The following MAN2B1 variants were observed in gnomAD, a reference collection of about 807,000 sequenced individuals.
The protein encoded by MAN2B1 is lysosomal alpha-mannosidase.
Under a neutral mutation model 127.5 loss-of-function variants are expected in MAN2B1, and 99 were observed. The ratio of observed to expected loss-of-function variants is 0.78; its 90% CI spans 0.66 to 0.92. The LOEUF is 0.92. MAN2B1 is among the 40% of genes least tolerant of loss of function. The probability of loss-of-function intolerance (pLI) is 0.00; values close to 1 mark genes in which losing one functional copy is unlikely to be tolerated. For synonymous variants in MAN2B1, 573 were observed against 568.8 expected, an observed-to-expected ratio of 1.01 and a Z score of -0.11; for missense variants, 1,304 against 1,384.8, an observed-to-expected ratio of 0.94 and a Z score of 0.93.
intron 12 of MAN2B1, 113 bp from the exon 13 acceptor site, chr19:12,656,800 C>T: frequency 9.4e-7 from 1 of 1,063,380 alleles, no homozygotes; most frequent in Non-Finnish European, 1.5e-6. Flanking sequence ...GCACTTAAGG[C>T]CAAGCCCCCT....
chr19:12,663,229 G>A, intron 6 of MAN2B1, 88 bp downstream of exon 6: 2 of 1,507,358 alleles, frequency 1.3e-6, no homozygotes, highest in Non-Finnish European at 1.8e-6. Flanking sequence ...TTAAAAATAA[G>A]GAGAACGTGT....
At chr19:12,665,159 G>A (rs1180613784) in intron 3 of MAN2B1, 174 bp from the exon 4 acceptor site, 6 of 1,026,536 alleles carry the variant, frequency 5.8e-6, no homozygotes, top group South Asian at 1.3e-5. Flanking sequence ...CTGCATGGCA[G>A]GCTTCCCAGA....
rs1303966138 is a variant in MAN2B1 at position 12,648,263 on chromosome 19, A to G, written c.2576T>C (p.Leu859Pro). The change falls in exon 21 of 24, where the codon CTG (leucine) becomes CCG (proline). Residue 859 changes from leucine to proline, a missense_variant. Physicochemically the swap from Leu to Pro is moderately conservative, Grantham distance 98. Coordinates refer to ENST00000456935, the MANE Select transcript of MAN2B1 (RefSeq NM_000528.4). ...AQAAAAGHRL[L>P]AEQEVLAPQV... ...AGGGGCCAGGACCTCCTGCTCCGCC[A>G]GGAGCCGGTGTCCGGCGGCTGCAGC... 1.9e-6 allele frequency: 3 copies of G among 1,606,524 alleles called. No individual in the cohort carries two copies. Among genetic ancestry groups the G allele is most frequent in the Non-Finnish European group, 8.5e-7 (1 of 1,178,326 alleles).
At position 12,665,677 on chromosome 19, in the gene MAN2B1, G is replaced by C. The variant is rs759834010; in HGVS notation, c.262+26C>G. Reference sequence around the variant, plus strand: ...GATTACAGGGACCATGGGGATCCCAGGGACCAGTCCCCATCCTCTACTCAC... The same window carrying C: ...GATTACAGGGACCATGGGGATCCCACGGACCAGTCCCCATCCTCTACTCAC... On this transcript the variant is annotated intron_variant, in intron 2 of 23. Coordinates refer to ENST00000456935, the MANE Select transcript of MAN2B1 (RefSeq NM_000528.4). The C allele has an allele frequency of 1.0e-5, 16 of 1,601,118 alleles. No individual in the cohort carries two copies. In the South Asian group the frequency reaches 1.7e-4, roughly 17 times the overall value.
intron 6 of MAN2B1, among the ~76,000 whole-genome samples, chr19:12,662,979 A>G (rs2024143528): frequency 6.6e-6 from 1 of 150,494 alleles, no homozygotes; most frequent in Admixed American, 6.6e-5. Context: ...AATGTTAAAA[A>G]TAGAGGCCAG....
chr19:12,663,230 G>T, intron 6 of MAN2B1, 87 bp downstream of exon 6: 1 of 1,508,852 alleles, frequency 6.6e-7, no homozygotes, highest in Admixed American at 1.7e-5. Flanking sequence ...TAAAAATAAG[G>T]AGAACGTGTT....
Position 12,646,737 on chromosome 19 carries a change from A to C in MAN2B1, c.2924-5T>G. 1.2e-6 allele frequency: 2 copies of C among 1,603,420 alleles called. No homozygotes were observed. The highest frequency in any genetic ancestry group is 2.7e-5 in the African/African-American group (2 of 74,698). On this transcript the variant is annotated splice_polypyrimidine_tract_variant and splice_region_variant and intron_variant, in intron 23 of 23. Transcript: ENST00000456935. ...GAGTTTGGTGGGGTGTGGGGCCTGG[A>C]GAGGTGCAGGGGGAAGGAGGAGTGA...
chr19:12,665,115 A>G, intron 3 of MAN2B1, 130 bp from the exon 4 acceptor site: 1 of 1,069,570 alleles, frequency 9.3e-7, no homozygotes, highest in Non-Finnish European at 1.4e-6. Flanking sequence ...GGTCGCTCCC[A>G]GGCCATAGTT....
At chr19:12,666,264 C>T (rs541795358) in intron 1 of MAN2B1, among the ~76,000 whole-genome samples, 2 of 152,084 alleles carry the variant, frequency 1.3e-5, no homozygotes, top group Non-Finnish European at 2.9e-5. Context: ...ATACACTGCT[C>T]ACCCCCTGCC....
chr19:12,656,372 A>AC, intron 13 of MAN2B1, 199 bp downstream of exon 13: 2 of 538,174 alleles, frequency 3.7e-6, no homozygotes, highest in South Asian at 2.2e-5. Context: ...AAAAAAAAAA[A>AC]GGGAGGACCA....
In MAN2B1 at chr19:12,666,724, G is replaced by T. The variant is rs986667194; in HGVS notation, c.-23C>A. 1.3e-6 allele frequency: 2 copies of T among 1,545,862 alleles called. No homozygotes were observed. Among genetic ancestry groups the T allele is most frequent in the African/African-American group, 2.7e-5 (2 of 72,936 alleles). On this transcript the variant is annotated 5_prime_UTR_variant, in exon 1 of 24. Coordinates refer to ENST00000456935, the MANE Select transcript of MAN2B1 (RefSeq NM_000528.4). ...CATGGCTCAGCAGCTTCCTCCTGGG[G>T]TTCCCCGGCCCTGGAAAGGCCGGGC...
chr19:12,647,261 G>C lies in MAN2B1; in HGVS notation c.2895C>G (p.Ala965=). 6.2e-7 allele frequency: 1 copy of C among 1,614,106 alleles called. No homozygotes were observed. The highest frequency in any genetic ancestry group is 1.7e-5 in the Admixed American group (1 of 60,000). The change falls in exon 23 of 24, where the codon GCC becomes GCG. Residue 965 remains alanine, a synonymous_variant. Transcript: ENST00000456935. The surrounding 1 kb of genome is among the most constrained non-coding windows in gnomAD (Gnocchi z 4.9). ...TLVANQLREA[A]SRLKWTTNTG... ...TGTTTGTTGTCCACTTGAGCCTGGA[G>C]GCTGCCTCGCGGAGCTGGTTGGCCA... is the stretch of plus-strand genomic sequence containing the variant.
chr19:12,665,623 GC>G lies in MAN2B1; in HGVS notation c.262+79del. 4 of 1,583,352 alleles carry G rather than the reference GC, an allele frequency of 2.5e-6. No homozygotes were observed. The South Asian group carries it at 4.4e-5, about 18-fold the overall frequency. On this transcript the variant is annotated intron_variant, in intron 2 of 23. Coordinates refer to ENST00000456935, the MANE Select transcript of MAN2B1 (RefSeq NM_000528.4). Reference sequence around the variant, plus strand: ...AACCCTGGATATTAGGGTAGCACTGGCCCCACCCTAATGTCCAGGACCCAGA... The same window carrying G: ...AACCCTGGATATTAGGGTAGCACTGGCCCACCCTAATGTCCAGGACCCAGA...
At chr19:12,648,448 G>A (rs1208474255) in intron 20 of MAN2B1, 46 bp from the exon 21 acceptor site, 3 of 1,432,818 alleles carry the variant, frequency 2.1e-6, no homozygotes, top group African/African-American at 1.4e-5. Context: ...TGGGTTTGTG[G>A]GTGTCCTTGG....
chr19:12,666,695 C>G lies in MAN2B1; in HGVS notation c.7G>C (p.Ala3Pro), dbSNP rs777024771. ...CAGACCCCCGAAGCCCGCGCGTAGG[C>G]GCCCATGGCTCAGCAGCTTCCTCCT... is the stretch of plus-strand genomic sequence containing the variant. Reference protein sequence around the residue: MGAYARASGVCAR... With the variant: MGPYARASGVCAR... The change falls in exon 1 of 24, where the codon GCC becomes CCC. Residue 3 changes from alanine to proline, a missense_variant. Physicochemically the swap from Ala to Pro is conservative, Grantham distance 27 (BLOSUM62 -1). Coordinates refer to ENST00000456935, the MANE Select transcript of MAN2B1 (RefSeq NM_000528.4). The G allele has an allele frequency of 6.5e-7, 1 of 1,549,430 alleles. No homozygotes were observed. The highest frequency in any genetic ancestry group is 1.4e-5 in the African/African-American group (1 of 73,170).
chr19:12,647,960 G>A lies in MAN2B1; in HGVS notation c.2664+215C>T, dbSNP rs2023735145. ...GGGCCGGAGGTGAGTTGGTGGTTTAGGGGCATGAGCTAGGGCTGTGCCTCT... is the reference window on the plus strand; with the variant it reads ...GGGCCGGAGGTGAGTTGGTGGTTTAAGGGCATGAGCTAGGGCTGTGCCTCT... On this transcript the variant is annotated intron_variant, in intron 21 of 23. Coordinates refer to ENST00000456935, the MANE Select transcript of MAN2B1 (RefSeq NM_000528.4). The surrounding 1 kb of genome is among the most constrained non-coding windows in gnomAD (Gnocchi z 4.9). 2.0e-5 allele frequency among the ~76,000 whole-genome samples: 3 copies of A among 152,152 alleles called. No homozygotes were observed. The highest frequency in any genetic ancestry group is 6.5e-5 in the Admixed American group (1 of 15,278).
intron 14 of MAN2B1, among the ~76,000 whole-genome samples, chr19:12,654,035 T>TC (rs2023903926): frequency 6.7e-6 from 1 of 149,632 alleles, no homozygotes; most frequent in Admixed American, 6.7e-5. Flanking sequence ...TTTCTTTTTT[T>TC]CTTTTTTTTT....
At position 12,646,659 on chromosome 19, in the gene MAN2B1, A is replaced by T; in HGVS notation, c.2997T>A (p.Thr999=). The change falls in exon 24 of 24, where the codon ACT becomes ACA. Residue 999 remains threonine, a synonymous_variant. Transcript: ENST00000456935. ...NITLEPMEIR[T]FLASVQWKEV... ...CCTTCCATTGAACTGAGGCCAGGAAAGTGCGGATTTCCATGGGTTCCAGCG... is the reference window on the plus strand; with the variant it reads ...CCTTCCATTGAACTGAGGCCAGGAATGTGCGGATTTCCATGGGTTCCAGCG... The T allele has an allele frequency of 6.2e-7, 1 of 1,614,034 alleles. No individual in the cohort carries two copies. Among genetic ancestry groups the T allele is most frequent in the Non-Finnish European group, 8.5e-7 (1 of 1,179,956 alleles).
chr19:12,657,886 T>C, intron 10 of MAN2B1, 177 bp downstream of exon 10: 1 of 636,378 alleles, frequency 1.6e-6, no homozygotes, highest in Non-Finnish European at 2.6e-6. Context: ...ACACGGGAGG[T>C]GGAGCTTGCA....
Sources: gnomAD v4.1 joint callset for allele counts (sites outside exome capture counted in the v4.1 genomes callset) on GRCh38, gnomAD v4.1.1 for gene constraint, Gnocchi (gnomAD v3.1) non-coding constraint, MANE v1.5 for transcripts, NCBI Gene and HGNC (gene_info 2026-07-23, HGNC 2026-07-21) for gene names.